HMX1: variants seen among roughly 807,000 people sequenced by gnomAD.
HMX1 encodes H6 family homeobox 1.
HMX1 carries 8 observed loss-of-function variants against 8.9 expected under a neutral mutation model. The observed-to-expected ratio is 0.90, with a 90% CI of 0.53 to 1.63. HMX1 has a LOEUF of 1.63. Among genes scored for constraint, HMX1 ranks in the 40% most tolerant of loss-of-function variants. The pLI is 0.00. For missense variants in HMX1, 621 were observed against 558.5 expected, an observed-to-expected ratio of 1.11 and a Z score of -1.13; for synonymous variants, 311 against 283.4, an observed-to-expected ratio of 1.10 and a Z score of -0.98.
downstream of HMX1, among the ~76,000 whole-genome samples, chr4:8,863,449 G>A (rs889143531): frequency 2.0e-5 from 3 of 152,240 alleles, no homozygotes; most frequent in African/African-American, 7.2e-5. Context: ...GGTTGCCTTC[G>A]GAGTGGGCTC....
At position 8,868,304 on chromosome 4, in the gene HMX1, G is replaced by A. The variant is rs1333052141; in HGVS notation, c.436C>T (p.Arg146Cys). 7 of 1,437,992 alleles carry A rather than the reference G, an allele frequency of 4.9e-6. No individual in the cohort carries two copies. The highest frequency in any genetic ancestry group is 2.6e-5 in the Admixed American group (1 of 37,756). 89.1% of individuals were successfully genotyped at this position (1,437,992 alleles called of 1,614,324 possible). A position where few individuals can be genotyped will look rare whatever the true frequency, so the allele number is the denominator to read the frequency against. ...CCTCGCGGCCAGGCGCCCTCCGCAC[G>A]GCCCATCTCCTCGCCCGTCTCCGGT... Reference protein sequence around the residue: ...DSPETGEEMGRAEGAWPRGPG... With the variant: ...DSPETGEEMGCAEGAWPRGPG... Residue 146 changes from arginine to cysteine, a missense_variant, in exon 2 of 2, where the codon CGT becomes TGT. Physicochemically the swap from Arg to Cys is radical, Grantham distance 180. Transcript: ENST00000400677. This position sits in a 1 kb window ranked among gnomAD's most constrained non-coding sequence, Gnocchi z 4.6.
chr4:8,859,547 T>C (rs528069033), intron 1 of HMX1, among the ~76,000 whole-genome samples: 11 of 152,094 alleles, frequency 7.2e-5, no homozygotes, highest in African/African-American at 1.2e-4. Context: ...GAGAGGAGGA[T>C]TGAGGAAGTG....
At chr4:8,869,942 C>G (rs548669552) in intron 1 of HMX1, among the ~76,000 whole-genome samples, 1 of 152,292 alleles carries the variant, frequency 6.6e-6, no homozygotes, top group South Asian at 2.1e-4. Context: ...GGGCACTAGA[C>G]AGAGTCGCTC....
downstream of HMX1, among the ~76,000 whole-genome samples, chr4:8,863,513 C>A (rs1222554741): frequency 6.6e-6 from 1 of 152,244 alleles, no homozygotes; most frequent in Non-Finnish European, 1.5e-5. Flanking sequence ...GGGCACTGGG[C>A]ACCCCTCCCC....
Position 8,871,483 on chromosome 4 carries a change from G to C in HMX1, c.132C>G (p.Asp44Glu). Residue 44 changes from aspartate to glutamate, a missense_variant, in exon 1 of 2, where the codon GAC becomes GAG. Coordinates refer to ENST00000400677, the MANE Select transcript of HMX1 (RefSeq NM_018942.3). The surrounding 1 kb of genome is among the most constrained non-coding windows in gnomAD (Gnocchi z 4.8). The part of the protein sequence containing the change: ...RATQGDGSRE[D>E]EEEDDDDPED... ...CGGGGTCGTCGTCGTCCTCCTCCTC[G>C]TCCTCCCGGCTGCCGTCGCCCTGGG... 1.5e-6 allele frequency: 2 copies of C among 1,337,776 alleles called. No homozygotes were observed. Among genetic ancestry groups the C allele is most frequent in the Non-Finnish European group, 1.9e-6 (2 of 1,038,900 alleles). 82.9% of individuals were successfully genotyped at this position (1,337,776 alleles called of 1,614,324 possible).
chr4:8,862,621 G>A (rs1181031584), downstream of HMX1, among the ~76,000 whole-genome samples: 3 of 152,018 alleles, frequency 2.0e-5, no homozygotes, highest in Non-Finnish European at 2.9e-5. Flanking sequence ...ATAACAATAC[G>A]GCTTAAGTTA....
At chr4:8,863,872 G>C (rs2109468066), downstream of HMX1, among the ~76,000 whole-genome samples, 1 of 152,332 alleles carries the variant, frequency 6.6e-6, no homozygotes, top group South Asian at 2.1e-4. Flanking sequence ...CTGCTCTATA[G>C]TCATTTCCCG....
Position 8,849,082 on chromosome 4 carries a change from G to A in HMX1, c.395-2758C>T, listed in dbSNP as rs868644629. ...CCCTGCCCGCTGCTCCATCGTGGACGTCTTCTCTCAGAGCCTCGATTTTCC... is the reference window on the plus strand; with the variant it reads ...CCCTGCCCGCTGCTCCATCGTGGACATCTTCTCTCAGAGCCTCGATTTTCC... On this transcript the variant is annotated intron_variant, in intron 1 of 1. Coordinates refer to the HMX1 transcript ENST00000506970. The surrounding 1 kb of genome is among the most constrained non-coding windows in gnomAD (Gnocchi z 6.6). Among the ~76,000 whole-genome samples the A allele has an allele frequency of 4.4e-4, 67 of 152,184 alleles. No individual in the cohort carries two copies. Among genetic ancestry groups the A allele is most frequent in the South Asian group, 6.2e-4 (3 of 4,822 alleles).
At chr4:8,864,510 C>T (rs946782884), downstream of HMX1, among the ~76,000 whole-genome samples, 8 of 152,202 alleles carry the variant, frequency 5.3e-5, no homozygotes, top group African/African-American at 1.2e-4. Flanking sequence ...GTGGAGCCAA[C>T]GCGCTCGAGG....
downstream of HMX1, among the ~76,000 whole-genome samples, chr4:8,863,726 T>C (rs1187807546): frequency 6.6e-6 from 1 of 152,234 alleles, no homozygotes; most frequent in African/African-American, 2.4e-5. Flanking sequence ...CCCTGGTTGC[T>C]GCCTGCTCTC....
At position 8,871,130 on chromosome 4, in the gene HMX1, G is replaced by C. The variant is rs958693202; in HGVS notation, c.394+91C>G. On this transcript the variant is annotated intron_variant, in intron 1 of 1. Coordinates refer to ENST00000400677, the MANE Select transcript of HMX1 (RefSeq NM_018942.3). The surrounding 1 kb of genome is among the most constrained non-coding windows in gnomAD (Gnocchi z 4.8). ...CAGAAGGGAGAGGATGGCCCAGAAC[G>C]GGCGGCGACGAGCCCGAAGTCCCCC... is the stretch of plus-strand genomic sequence containing the variant. 20 of 1,214,758 alleles carry C rather than the reference G, an allele frequency of 1.6e-5. No homozygotes were observed. The highest frequency in any genetic ancestry group is 3.9e-5 in the South Asian group (2 of 51,846). The allele number at this position is 1,214,758 out of a possible 1,614,324, so 75.2% of individuals were successfully genotyped here.
intron 1 of HMX1, among the ~76,000 whole-genome samples, chr4:8,861,045 C>G (rs1194352632): frequency 2.6e-5 from 4 of 151,618 alleles, no homozygotes; most frequent in Admixed American, 6.6e-5. Flanking sequence ...GGGAAGGTCC[C>G]GGGCGGCCGG....
downstream of HMX1, among the ~76,000 whole-genome samples, chr4:8,866,315 G>A (rs538237037): frequency 6.6e-6 from 1 of 152,382 alleles, no homozygotes; most frequent in African/African-American, 2.4e-5. Context: ...ACACCCAAGT[G>A]AAGCAGGACA....
chr4:8,867,011 C>G, downstream of HMX1: 1 of 933,444 alleles, frequency 1.1e-6, no homozygotes, highest in South Asian at 5.0e-5. Context: ...GCAGCTTGAG[C>G]TGTCTCTGCC....
downstream of HMX1, among the ~76,000 whole-genome samples, chr4:8,863,650 C>T (rs1721903644): frequency 6.6e-6 from 1 of 152,252 alleles, no homozygotes; most frequent in Non-Finnish European, 1.5e-5. Flanking sequence ...TCCACACCTC[C>T]AAGGGCACTG....
downstream of HMX1, among the ~76,000 whole-genome samples, chr4:8,862,610 A>G (rs1461808668): frequency 6.6e-6 from 1 of 152,230 alleles, no homozygotes; most frequent in East Asian, 1.9e-4. Flanking sequence ...CTTTTTTTAA[A>G]ATAACAATAC....
rs1184790226 is a variant in HMX1 at position 8,870,412 on chromosome 4, C to T, written c.394+809G>A. ...AAGGGGTTCTGGGGTTGAGAACCCCCAGCCCCAGTCTCAAGCCCTCAGCAG... is the reference window on the plus strand; with the variant it reads ...AAGGGGTTCTGGGGTTGAGAACCCCTAGCCCCAGTCTCAAGCCCTCAGCAG... On this transcript the variant is annotated intron_variant, in intron 1 of 1. Transcript: ENST00000400677. The surrounding 1 kb of genome is among the most constrained non-coding windows in gnomAD (Gnocchi z 4.4). 6.6e-6 allele frequency among the ~76,000 whole-genome samples: 1 copy of T among 152,018 alleles called. No homozygotes were observed. Among genetic ancestry groups the T allele is most frequent in the African/African-American group, 2.4e-5 (1 of 41,408 alleles).
At chr4:8,846,209 G>A (rs988212260) in exon 2 of HMX1, 7 of 1,484,930 alleles carry the variant, frequency 4.7e-6, no homozygotes, top group East Asian at 4.9e-5. Flanking sequence ...CAGTCCCTGC[G>A]GCCTCCTCCG....
exon 2 of HMX1, chr4:8,846,188 G>T: frequency 7.4e-7 from 1 of 1,354,534 alleles, no homozygotes; most frequent in Non-Finnish European, 1.0e-6. Context: ...CCGTGTTGTG[G>T]CTGCACCATC....
Sources: allele counts gnomAD v4.1 joint callset (sites outside exome capture counted in the v4.1 genomes callset), GRCh38; gene constraint gnomAD v4.1.1; non-coding constraint Gnocchi (gnomAD v3.1); transcripts MANE v1.5; gene names NCBI Gene and HGNC (gene_info 2026-07-23, HGNC 2026-07-21).